Variants in RBMS1 observed in about 807,000 individuals in gnomAD.
The protein encoded by RBMS1 is RNA binding motif single stranded interacting protein 1.
A neutral mutation model predicts 62.3 loss-of-function variants in RBMS1; 17 were observed. That is an observed-to-expected ratio of 0.27 (90% CI 0.19 to 0.41). RBMS1 has a LOEUF of 0.41. RBMS1 is among the 10% of genes least tolerant of loss of function. The pLI is 1.00. For missense variants in RBMS1, 334 were observed against 504.5 expected, an observed-to-expected ratio of 0.66 and a Z score of 3.24; for synonymous variants, 172 against 170.0, an observed-to-expected ratio of 1.01 and a Z score of -0.09.
At chr2:160,403,906 A>G (rs903124108) in intron 1 of RBMS1, among the ~76,000 whole-genome samples, 2 of 152,202 alleles carry the variant, frequency 1.3e-5, no homozygotes, top group Non-Finnish European at 2.9e-5. Context: ...AACAACACAA[A>G]GGAAAAATGA....
chr2:160,410,250 A>G (rs916302475), intron 1 of RBMS1, among the ~76,000 whole-genome samples: 9 of 146,500 alleles, frequency 6.1e-5, no homozygotes, highest in Non-Finnish European at 9.1e-5. Flanking sequence ...AAAAAAAATT[A>G]AAAGACTCTA....
chr2:160,407,776 C>T, intron 1 of RBMS1: 1 of 981,296 alleles, frequency 1.0e-6, no homozygotes, highest in South Asian at 4.7e-5. Flanking sequence ...GCAGCTCGGG[C>T]AGCCGCCGCC....
rs367781250 is a variant in RBMS1, at chr2:160,439,474, G to T, written c.75+53815C>A. 2.6e-5 allele frequency among the ~76,000 whole-genome samples: 4 copies of T among 151,774 alleles called. 1 individual carries two copies. The South Asian group carries it at 8.3e-4, about 32-fold the overall frequency. Reference sequence around the variant, plus strand: ...AGACGATGGGCAGCCGGGCAGAGACGCTCCTCACTTCCCAGATGTGATGGC... The same window carrying T: ...AGACGATGGGCAGCCGGGCAGAGACTCTCCTCACTTCCCAGATGTGATGGC... On this transcript the variant is annotated intron_variant, in intron 1 of 13. Coordinates refer to ENST00000348849, the MANE Select transcript of RBMS1 (RefSeq NM_016836.4).
In RBMS1 at chr2:160,439,292, C is replaced by A. The variant is rs1262297252; in HGVS notation, c.75+53997G>T. ...TGCTGGGCGGAAGGGCTCCTCACTT[C>A]TCAGACAGGGCGGCTGCCGGGCGGA... On this transcript the variant is annotated intron_variant, in intron 1 of 13. Transcript: ENST00000348849. Among the ~76,000 whole-genome samples the A allele has an allele frequency of 8.7e-5, 13 of 150,094 alleles. 1 individual carries two copies. The highest frequency in any genetic ancestry group is 2.7e-4 in the African/African-American group (11 of 40,040).
chr2:160,492,825 G>A (rs555628342), intron 1 of RBMS1: 1 of 154,306 alleles, frequency 6.5e-6, no homozygotes, highest in African/African-American at 2.4e-5. Context: ...GAGGTGGAGG[G>A]GCGTCCCTGG....
intron 1 of RBMS1, among the ~76,000 whole-genome samples, chr2:160,470,506 A>G (rs1684872096): frequency 6.6e-6 from 1 of 152,208 alleles, no homozygotes; most frequent in African/African-American, 2.4e-5. Flanking sequence ...CGTTATTGTT[A>G]ATAACAATGT....
chr2:160,336,877 G>C (rs1209650068), intron 2 of RBMS1, among the ~76,000 whole-genome samples: 1 of 152,126 alleles, frequency 6.6e-6, no homozygotes, highest in Non-Finnish European at 1.5e-5. Flanking sequence ...CTTGCCATGG[G>C]AAATAGTAGC....
intron 2 of RBMS1, among the ~76,000 whole-genome samples, chr2:160,356,146 A>G (rs1468890107): frequency 6.6e-6 from 1 of 152,118 alleles, no homozygotes; most frequent in East Asian, 1.9e-4. Context: ...AGCAAATGAC[A>G]AGTTGGATAC....
At chr2:160,293,452 T>C (rs975635322) in intron 6 of RBMS1, among the ~76,000 whole-genome samples, 1 of 152,180 alleles carries the variant, frequency 6.6e-6, no homozygotes, top group African/African-American at 2.4e-5. Context: ...AGCAGACACA[T>C]ATGCACTTCA....
rs118085955 is a variant in RBMS1 at position 160,289,417 on chromosome 2, G to T, written c.641-2333C>A. On this transcript the variant is annotated intron_variant, in intron 6 of 13. Transcript: ENST00000348849. ...TAACCAGTAAAAATGACACATTTCT[G>T]AGATAGTTGCTGGCTGCTTGTTTCA... 3.1e-4 allele frequency among the ~76,000 whole-genome samples: 47 copies of T among 152,324 alleles called. No homozygotes were observed. In the East Asian group the frequency reaches 8.7e-3, roughly 28 times the overall value.
intron 1 of RBMS1, among the ~76,000 whole-genome samples, chr2:160,483,382 C>T (rs1685449327): frequency 6.6e-6 from 1 of 152,148 alleles, no homozygotes; most frequent in South Asian, 2.1e-4. Context: ...CATAAAAATA[C>T]TTCCTATTAT....
rs75318180 is a variant in RBMS1 at position 160,444,742 on chromosome 2, C to T, written c.75+48547G>A. ...TTAAATGAGGTCAAAAGGCTGGGGCCCTAATCCTACAGGTCTGGTGGCCTT... is the reference window on the plus strand; with the variant it reads ...TTAAATGAGGTCAAAAGGCTGGGGCTCTAATCCTACAGGTCTGGTGGCCTT... On this transcript the variant is annotated intron_variant, in intron 1 of 13. Coordinates refer to ENST00000348849, the MANE Select transcript of RBMS1 (RefSeq NM_016836.4). Among the ~76,000 whole-genome samples the T allele has an allele frequency of 9.0e-3, 1,366 of 152,218 alleles. 30 individuals are homozygous for T. The highest frequency in any genetic ancestry group is 0.031 in the African/African-American group (1,297 of 41,530).
intron 2 of RBMS1, among the ~76,000 whole-genome samples, chr2:160,345,176 T>A (rs1692107110): frequency 6.6e-6 from 1 of 152,148 alleles, no homozygotes; most frequent in South Asian, 2.1e-4. Context: ...GTAGAGTAAC[T>A]CAGAGGGCAC....
intron 1 of RBMS1, among the ~76,000 whole-genome samples, chr2:160,418,202 A>G (rs1161854323): frequency 6.6e-6 from 1 of 152,204 alleles, no homozygotes; most frequent in African/African-American, 2.4e-5. Context: ...TGAATACTGG[A>G]CTGTTACTTC....
At chr2:160,353,237 T>C (rs1292734700) in intron 2 of RBMS1, among the ~76,000 whole-genome samples, 1 of 152,112 alleles carries the variant, frequency 6.6e-6, no homozygotes, top group African/African-American at 2.4e-5. Flanking sequence ...TTTTTGTATA[T>C]AGTTTTGTTG....
intron 6 of RBMS1, among the ~76,000 whole-genome samples, chr2:160,293,362 G>A (rs1169279890): frequency 6.6e-6 from 1 of 152,146 alleles, no homozygotes; most frequent in African/African-American, 2.4e-5. Context: ...AGCCCCACTG[G>A]ACACATAACC....
At chr2:160,372,008 T>G (rs114034587) in intron 1 of RBMS1, among the ~76,000 whole-genome samples, 2,020 of 152,284 alleles carry the variant, frequency 0.013, 40 homozygotes, top group African/African-American at 0.044. Context: ...ATTAACCACA[T>G]GTGAACTAAA....
At chr2:160,351,895 T>C (rs1692535073) in intron 2 of RBMS1, among the ~76,000 whole-genome samples, 1 of 152,088 alleles carries the variant, frequency 6.6e-6, no homozygotes, top group Non-Finnish European at 1.5e-5. Context: ...TGAGAAACAT[T>C]TGCTTCTACC....
chr2:160,332,843 A>G (rs1226211120), intron 2 of RBMS1, among the ~76,000 whole-genome samples: 1 of 150,304 alleles, frequency 6.7e-6, no homozygotes, highest in African/African-American at 2.4e-5. Context: ...ATATATATAT[A>G]TAAAGTATGT....
Sources: gnomAD v4.1 joint callset for allele counts (sites outside exome capture counted in the v4.1 genomes callset) on GRCh38, gnomAD v4.1.1 for gene constraint, MANE v1.5 for transcripts, NCBI Gene and HGNC (gene_info 2026-07-23, HGNC 2026-07-21) for gene names.